The following SPTAN1 variants were observed in gnomAD, a reference collection of about 807,000 sequenced individuals.
SPTAN1 encodes spectrin alpha, non-erythrocytic 1, also known as spectrin alpha chain, non-erythrocytic 1.
Under a neutral mutation model 331.3 loss-of-function variants are expected in SPTAN1, and 61 were observed. That is an observed-to-expected ratio of 0.18 (90% CI 0.15 to 0.23). The LOEUF (loss-of-function observed/expected upper bound fraction) is 0.23, where lower values mean the gene tolerates loss of function less well. Ranked by LOEUF, SPTAN1 falls within the 10% of genes least tolerant of loss-of-function variation. SPTAN1 has a pLI of 1.00. For synonymous variants in SPTAN1, 1,153 were observed against 1,173.9 expected, an observed-to-expected ratio of 0.98 and a Z score of 0.36; for missense variants, 2,043 against 3,147.9, an observed-to-expected ratio of 0.65 and a Z score of 8.40.
At chr9:128,578,525 T>C (rs1228132055) in intron 9 of SPTAN1, among the ~76,000 whole-genome samples, 1 of 152,076 alleles carries the variant, frequency 6.6e-6, no homozygotes, top group African/African-American at 2.4e-5. Context: ...CATTGATCCT[T>C]TGTGATGTAA....
intron 9 of SPTAN1, 78 bp from the exon 10 acceptor site, chr9:128,579,559 T>C: frequency 9.1e-7 from 1 of 1,104,948 alleles, no homozygotes; most frequent in Non-Finnish European, 1.4e-6. Flanking sequence ...CTTATAATGC[T>C]TATGTAAAAT....
intron 27 of SPTAN1, among the ~76,000 whole-genome samples, chr9:128,603,062 T>TTGCCCTTCAACGGGGATAA (rs1368381411): frequency 1.1e-4 from 16 of 152,212 alleles, no homozygotes; most frequent in African/African-American, 3.4e-4. Context: ...GGTAAAGCCG[T>TTGCCCTTCAACGGGGATAA]TGCCCTTCAA....
In SPTAN1 at chr9:128,627,863, CG is replaced by C; in HGVS notation, c.6690-61del. The C allele has an allele frequency of 6.3e-7, 1 of 1,594,812 alleles. No individual in the cohort carries two copies. The highest frequency in any genetic ancestry group is 8.6e-7 in the Non-Finnish European group (1 of 1,162,364). On this transcript the variant is annotated intron_variant, in intron 50 of 56. Coordinates refer to ENST00000372739, the MANE Select transcript of SPTAN1 (RefSeq NM_001130438.3). The surrounding 1 kb of genome is among the most constrained non-coding windows in gnomAD (Gnocchi z 4.9). Reference sequence around the variant, plus strand: ...TTCTTGTGTCTTCTCTCTGTCCCCCCGATTGCTGCTGTTGTCCGGACACCAC... The same window carrying C: ...TTCTTGTGTCTTCTCTCTGTCCCCCCATTGCTGCTGTTGTCCGGACACCAC...
intron 17 of SPTAN1, 55 bp downstream of exon 17, chr9:128,584,580 G>A: frequency 6.2e-7 from 1 of 1,614,018 alleles, no homozygotes; most frequent in South Asian, 1.1e-5. Flanking sequence ...TGCTATTGTA[G>A]CATAAAGGGG....
chr9:128,561,694 T>A (rs2132811280), intron 1 of SPTAN1, among the ~76,000 whole-genome samples: 5 of 69,410 alleles, frequency 7.2e-5, no homozygotes, highest in East Asian at 4.9e-4. Context: ...AAAAAGAATA[T>A]GTCAATATGT....
Position 128,629,049 on chromosome 9 carries a change from TTGTG to T in SPTAN1, c.6707+1113_6707+1116del, listed in dbSNP as rs949936375. On this transcript the variant is annotated intron_variant, in intron 51 of 56. Coordinates refer to ENST00000372739, the MANE Select transcript of SPTAN1 (RefSeq NM_001130438.3). This position sits in a 1 kb window ranked among gnomAD's most constrained non-coding sequence, Gnocchi z 4.9. Reference sequence around the variant, plus strand: ...TGCCTGCGCCCTGCCAGCTTGGGCTTTGTGTGTGTCTGTTGCAGTGTGCTCTTGC... The same window carrying T: ...TGCCTGCGCCCTGCCAGCTTGGGCTTTGTGTCTGTTGCAGTGTGCTCTTGC... 2.5e-5 allele frequency: 10 copies of T among 397,350 alleles called. No individual in the cohort carries two copies. The highest frequency in any genetic ancestry group is 4.0e-5 in the Non-Finnish European group (9 of 225,336). 24.6% of individuals were successfully genotyped at this position (397,350 alleles called of 1,614,324 possible). A position where few individuals can be genotyped will look rare whatever the true frequency, so the allele number is the denominator to read the frequency against.
At position 128,588,763 on chromosome 9, in the gene SPTAN1, G is replaced by A. The variant is rs139844879; in HGVS notation, c.2872-46G>A. On this transcript the variant is annotated intron_variant, in intron 20 of 56. Coordinates refer to ENST00000372739, the MANE Select transcript of SPTAN1 (RefSeq NM_001130438.3). ...ATCTGCTCTGTACTTAGATGACTCA[G>A]CGCGGACGTGTTTTTACCATGTTTG... is the stretch of plus-strand genomic sequence containing the variant. 2,361 of 1,611,354 alleles carry A rather than the reference G, an allele frequency of 1.5e-3. 2 individuals carry two copies. The highest frequency in any genetic ancestry group is 1.7e-3 in the Middle Eastern group (10 of 5,760).
chr9:128,617,615 G>A (rs372292829), intron 41 of SPTAN1, 25 bp from the exon 42 acceptor site: 6 of 1,613,836 alleles, frequency 3.7e-6, no homozygotes, highest in Middle Eastern at 1.6e-4. Flanking sequence ...GAGACTGACT[G>A]TGCTGTTTCC....
At chr9:128,620,277 C>T (rs761093460) in intron 44 of SPTAN1, among the ~76,000 whole-genome samples, 36 of 152,220 alleles carry the variant, frequency 2.4e-4, no homozygotes, top group Non-Finnish European at 4.1e-4. Flanking sequence ...CTTTGAGCCA[C>T]CTTCCTCACC....
chr9:128,560,304 G>A (rs1479877015), intron 1 of SPTAN1, among the ~76,000 whole-genome samples: 4 of 150,828 alleles, frequency 2.7e-5, no homozygotes, highest in Non-Finnish European at 4.4e-5. Context: ...GGCTTGTCTC[G>A]AACTCCTGAG....
chr9:128,567,520 C>T (rs1274918962), intron 2 of SPTAN1, among the ~76,000 whole-genome samples: 2 of 151,996 alleles, frequency 1.3e-5, no homozygotes, highest in African/African-American at 2.4e-5. Flanking sequence ...TTGAACTGAC[C>T]TCAGGTGATC....
rs1851707590 is a variant in SPTAN1, at chr9:128,579,654, T to C, written c.1239T>C (p.His413=). The change falls in exon 10 of 57, where the codon CAT becomes CAC. Residue 413 remains histidine, a synonymous_variant. Transcript: ENST00000372739. ...HQEHKGEIDA[H]EDSFKSADES... is the part of the protein sequence containing the mutation. ...TCCTGTAGGGTGAAATTGATGCCCA[T>C]GAAGACAGCTTCAAATCTGCAGATG... 2 of 1,614,102 alleles carry C rather than the reference T, an allele frequency of 1.2e-6. No individual in the cohort carries two copies. Among genetic ancestry groups the C allele is most frequent in the Non-Finnish European group, 1.7e-6 (2 of 1,179,960 alleles).
intron 2 of SPTAN1, among the ~76,000 whole-genome samples, chr9:128,568,104 T>C (rs1413410117): frequency 6.6e-6 from 1 of 152,212 alleles, no homozygotes; most frequent in East Asian, 1.9e-4. Context: ...TTCTCACTTA[T>C]TTCAGTGAAA....
intron 27 of SPTAN1, 22 bp from the exon 28 acceptor site, chr9:128,603,521 T>C: frequency 1.2e-6 from 2 of 1,614,180 alleles, no homozygotes; most frequent in East Asian, 2.2e-5. Context: ...TAGTTTTGCC[T>C]TCTGCTTTCC....
At chr9:128,611,450 A>G (rs552561302) in intron 37 of SPTAN1, among the ~76,000 whole-genome samples, 1 of 152,304 alleles carries the variant, frequency 6.6e-6, no homozygotes, top group African/African-American at 2.4e-5. Context: ...AGCCTGGGCA[A>G]CTGAGCAAGA....
intron 18 of SPTAN1, among the ~76,000 whole-genome samples, chr9:128,585,138 C>T (rs1056723929): frequency 1.8e-4 from 27 of 152,008 alleles, no homozygotes; most frequent in Middle Eastern, 6.8e-3. Context: ...TCTCAGCCTC[C>T]CAAGTAGCTG....
At position 128,633,504 on chromosome 9, in the gene SPTAN1, A is replaced by G. The variant is rs1860178267; in HGVS notation, c.*170A>G. On this transcript the variant is annotated 3_prime_UTR_variant, in exon 57 of 57. Coordinates refer to ENST00000372739, the MANE Select transcript of SPTAN1 (RefSeq NM_001130438.3). ...ACCCGCTTCCGGTCCAGTCACAATCATCATGTCACTGTGGGGACCCAGATC... is the reference window on the plus strand; with the variant it reads ...ACCCGCTTCCGGTCCAGTCACAATCGTCATGTCACTGTGGGGACCCAGATC... 2 of 1,217,346 alleles carry G rather than the reference A, an allele frequency of 1.6e-6. No individual in the cohort carries two copies. Among genetic ancestry groups the G allele is most frequent in the Non-Finnish European group, 2.4e-6 (2 of 846,950 alleles). 75.4% of individuals were successfully genotyped at this position (1,217,346 alleles called of 1,614,324 possible).
chr9:128,606,414 A>G (rs568743023), intron 31 of SPTAN1, among the ~76,000 whole-genome samples: 2 of 143,364 alleles, frequency 1.4e-5, no homozygotes, highest in Non-Finnish European at 3.0e-5. Context: ...TTTCCTATCC[A>G]AGTATGGGCA....
chr9:128,561,069 C>T (rs1849275254), intron 1 of SPTAN1, among the ~76,000 whole-genome samples: 1 of 148,606 alleles, frequency 6.7e-6, no homozygotes. Flanking sequence ...ACCAAACAGC[C>T]ATCAATAAAT....
Sources: gnomAD v4.1 joint callset for allele counts (sites outside exome capture counted in the v4.1 genomes callset) on GRCh38, gnomAD v4.1.1 for gene constraint, Gnocchi (gnomAD v3.1) non-coding constraint, MANE v1.5 for transcripts, NCBI Gene and HGNC (gene_info 2026-07-23, HGNC 2026-07-21) for gene names.